Variants in FSTL4 observed in about 807,000 individuals in gnomAD.
FSTL4 encodes follistatin like 4, also known as follistatin-related protein 4.
In FSTL4, 28 loss-of-function variants were observed where a neutral mutation model predicts 78.2. The observed-to-expected ratio is 0.36, with a 90% CI of 0.27 to 0.49. The LOEUF is 0.49. Ranked by LOEUF, FSTL4 falls within the 20% of genes least tolerant of loss-of-function variation. FSTL4 has a pLI of 0.98. For synonymous variants in FSTL4, 422 were observed against 440.5 expected, an observed-to-expected ratio of 0.96 and a Z score of 0.53; for missense variants, 922 against 1,084.9, an observed-to-expected ratio of 0.85 and a Z score of 2.11.
intron 3 of FSTL4, among the ~76,000 whole-genome samples, chr5:133,529,048 C>T (rs1759196600): frequency 6.6e-6 from 1 of 152,232 alleles, no homozygotes; most frequent in South Asian, 2.1e-4. Context: ...GATGCTGATC[C>T]CCAGGGTAAT....
At chr5:133,523,245 A>G (rs149483) in intron 3 of FSTL4, among the ~76,000 whole-genome samples, 19,247 of 152,242 alleles carry the variant, frequency 0.13, 1,304 homozygotes, top group Non-Finnish European at 0.15. Flanking sequence ...CAATCCTCCC[A>G]GTACCTTGGC....
rs534157492 is a variant in FSTL4, at chr5:133,507,062, G to A, written c.160+60124C>T. On this transcript the variant is annotated intron_variant, in intron 3 of 15. Transcript: ENST00000265342. ...ATCTCTACTAAAACTACAAAAATTCGCTGGGCATGGTGGCACATGCCTGTA... is the reference window on the plus strand; with the variant it reads ...ATCTCTACTAAAACTACAAAAATTCACTGGGCATGGTGGCACATGCCTGTA... Among the ~76,000 whole-genome samples the A allele has an allele frequency of 3.9e-5, 6 of 152,172 alleles. No individual in the cohort carries two copies. In the South Asian group the frequency reaches 6.2e-4, roughly 16 times the overall value.
At chr5:133,500,132 G>A (rs1003678864) in intron 3 of FSTL4, among the ~76,000 whole-genome samples, 3 of 152,142 alleles carry the variant, frequency 2.0e-5, no homozygotes, top group African/African-American at 4.8e-5. Flanking sequence ...GAAGGCTTAC[G>A]TTGAGTCTTT....
chr5:133,523,872 T>G (rs981204871), intron 3 of FSTL4, among the ~76,000 whole-genome samples: 7 of 152,266 alleles, frequency 4.6e-5, no homozygotes, highest in African/African-American at 1.7e-4. Flanking sequence ...AGAGCCGACA[T>G]CCTAGTCCAC....
chr5:133,359,875 G>A (rs1287889524), intron 4 of FSTL4, among the ~76,000 whole-genome samples: 1 of 152,172 alleles, frequency 6.6e-6, no homozygotes, highest in African/African-American at 2.4e-5. Flanking sequence ...CTTTCCCGGG[G>A]AGCCAAGGAG....
In FSTL4 at chr5:133,361,991, A is replaced by T. The variant is rs1199877376; in HGVS notation, c.409+38747T>A. 2.0e-5 allele frequency among the ~76,000 whole-genome samples: 3 copies of T among 152,250 alleles called. No individual in the cohort carries two copies. The highest frequency in any genetic ancestry group is 2.0e-4 in the Admixed American group (3 of 15,288). On this transcript the variant is annotated intron_variant, in intron 4 of 15. Coordinates refer to ENST00000265342, the MANE Select transcript of FSTL4 (RefSeq NM_015082.2). The surrounding 1 kb of genome is among the most constrained non-coding windows in gnomAD (Gnocchi z 4.3). ...TCCATGAATACAAAGTATTTTGTGCATGGCTTAATATACTTGGAATTTCTC... is the reference window on the plus strand; with the variant it reads ...TCCATGAATACAAAGTATTTTGTGCTTGGCTTAATATACTTGGAATTTCTC...
chr5:133,641,528 G>A, the FSTL4 span, among the ~76,000 whole-genome samples: 3 of 150,174 alleles, frequency 2.0e-5, no homozygotes, highest in Non-Finnish European at 3.0e-5. Context: ...AATACCCTGG[G>A]ACCAACACTT....
the FSTL4 span, among the ~76,000 whole-genome samples, chr5:133,827,493 G>A: frequency 6.6e-6 from 1 of 152,268 alleles, no homozygotes; most frequent in Non-Finnish European, 1.5e-5. Context: ...TGACGAGGAG[G>A]ATTGATTTCT....
chr5:133,486,220 C>T (rs575650458), intron 3 of FSTL4, among the ~76,000 whole-genome samples: 8 of 151,590 alleles, frequency 5.3e-5, no homozygotes, highest in Non-Finnish European at 1.0e-4. Flanking sequence ...AGACACACTA[C>T]GAGAGTATCA....
At chr5:133,382,535 G>A (rs1410662187) in intron 4 of FSTL4, among the ~76,000 whole-genome samples, 3 of 152,096 alleles carry the variant, frequency 2.0e-5, no homozygotes, top group African/African-American at 7.2e-5. Flanking sequence ...TTATAATCCA[G>A]ACTGTGATTG....
the FSTL4 span, among the ~76,000 whole-genome samples, chr5:133,702,121 A>T: frequency 6.6e-6 from 1 of 152,232 alleles, no homozygotes. Context: ...AGTACTGAGC[A>T]CACATCACTG....
At position 133,206,435 on chromosome 5, in the gene FSTL4, AACCTCC is replaced by A. The variant is rs1214408035; in HGVS notation, c.1716+3750_1716+3755del. Among the ~76,000 whole-genome samples the A allele has an allele frequency of 2.6e-5, 4 of 152,238 alleles. No individual in the cohort carries two copies. In the South Asian group the frequency reaches 6.2e-4, roughly 24 times the overall value. On this transcript the variant is annotated intron_variant, in intron 14 of 15. Transcript: ENST00000265342. ...CAGTGACACGATCTCGGCTCACTGC[AACCTCC>A]ACCTCCACCTCCTGGGTTCAAGCGA...
the FSTL4 span, among the ~76,000 whole-genome samples, chr5:133,664,715 A>G: frequency 8.5e-5 from 13 of 152,208 alleles, no homozygotes; most frequent in Admixed American, 8.5e-4. Context: ...TAGCTATCAT[A>G]GTTATAGCTC....
chr5:133,804,846 A>G, the FSTL4 span, among the ~76,000 whole-genome samples: 1 of 147,996 alleles, frequency 6.8e-6, no homozygotes, highest in Non-Finnish European at 1.5e-5. Context: ...CGGGAGGCTG[A>G]GGCAGGAGAA....
At chr5:133,392,958 G>A (rs565539279) in intron 4 of FSTL4, among the ~76,000 whole-genome samples, 158 of 152,186 alleles carry the variant, frequency 1.0e-3, no homozygotes, top group Non-Finnish European at 1.8e-3. Context: ...CACACATGCC[G>A]AACTGATAAT....
chr5:133,698,978 C>T, the FSTL4 span, among the ~76,000 whole-genome samples: 2 of 152,162 alleles, frequency 1.3e-5, no homozygotes, highest in South Asian at 2.1e-4. Flanking sequence ...TCTGACCTGT[C>T]GCTTATAGGA....
At chr5:133,204,095 C>T (rs1307902724) in intron 14 of FSTL4, among the ~76,000 whole-genome samples, 1 of 152,192 alleles carries the variant, frequency 6.6e-6, no homozygotes, top group East Asian at 1.9e-4. Context: ...CAAGGCTGGG[C>T]ATCTCCCTCA....
intron 4 of FSTL4, among the ~76,000 whole-genome samples, chr5:133,353,790 C>T (rs995330318): frequency 2.2e-4 from 33 of 152,332 alleles, no homozygotes; most frequent in Admixed American, 1.8e-3. Flanking sequence ...ATGCTGCCTG[C>T]GGGGCTTTGT....
chr5:133,465,880 C>T (rs890572899), intron 3 of FSTL4, among the ~76,000 whole-genome samples: 4 of 152,212 alleles, frequency 2.6e-5, no homozygotes, highest in South Asian at 2.1e-4. Flanking sequence ...GTGATTTTAT[C>T]GATGGTTGAA....
Sources: allele counts gnomAD v4.1 joint callset (sites outside exome capture counted in the v4.1 genomes callset), GRCh38; gene constraint gnomAD v4.1.1; non-coding constraint Gnocchi (gnomAD v3.1); transcripts MANE v1.5; gene names NCBI Gene and HGNC (gene_info 2026-07-23, HGNC 2026-07-21).